Variants in SH2B3 observed in about 807,000 individuals in gnomAD.
SH2B3 encodes the protein SH2B adaptor protein 3, also known as SH2B adapter protein 3.
In SH2B3, 43 loss-of-function variants were observed where a neutral mutation model predicts 51.9. The ratio of observed to expected loss-of-function variants is 0.83; its 90% CI spans 0.65 to 1.07. The LOEUF is 1.07. SH2B3 is among the 50% of genes least tolerant of loss of function. The pLI is 0.00. For synonymous variants in SH2B3, 396 were observed against 376.0 expected, an observed-to-expected ratio of 1.05 and a Z score of -0.62; for missense variants, 952 against 834.3, an observed-to-expected ratio of 1.14 and a Z score of -1.74.
intron 2 of SH2B3, among the ~76,000 whole-genome samples, chr12:111,439,110 C>T (rs1425286336): frequency 6.6e-6 from 1 of 151,936 alleles, no homozygotes; most frequent in Non-Finnish European, 1.5e-5. Context: ...GTAGCTGGGA[C>T]TACAGGTACC....
chr12:111,410,807 C>T lies in SH2B3; in HGVS notation c.-28+4530C>T, dbSNP rs1870640045. Among the ~76,000 whole-genome samples, 1 of 152,218 alleles carries T rather than the reference C, an allele frequency of 6.6e-6. No individual in the cohort carries two copies. ...CAACTTGAATGCTGTGAAAGGGCAG[C>T]AGGCCGCCTGCCAGGCAGTGTGTGT... On this transcript the variant is annotated intron_variant, in intron 1 of 7. Transcript: ENST00000341259. This position sits in a 1 kb window ranked among gnomAD's most constrained non-coding sequence, Gnocchi z 4.9.
intron 2 of SH2B3, among the ~76,000 whole-genome samples, chr12:111,419,887 C>T (rs1871399395): frequency 6.6e-6 from 1 of 152,196 alleles, no homozygotes. Flanking sequence ...TTAGTCGTTA[C>T]GTCTCCTTAG....
At chr12:111,440,560 G>A (rs559217039) in intron 2 of SH2B3, among the ~76,000 whole-genome samples, 1 of 152,314 alleles carries the variant, frequency 6.6e-6, no homozygotes, top group East Asian at 1.9e-4. Context: ...GGTGGTGTGG[G>A]GTCTGTGAGC....
intron 2 of SH2B3, among the ~76,000 whole-genome samples, chr12:111,439,666 C>T (rs1002822114): frequency 6.6e-6 from 1 of 152,232 alleles, no homozygotes; most frequent in Non-Finnish European, 1.5e-5. Flanking sequence ...GCAGCCTCAA[C>T]CTCCCTGCTT....
At chr12:111,419,256 T>C (rs1871351870) in intron 2 of SH2B3, among the ~76,000 whole-genome samples, 1 of 152,146 alleles carries the variant, frequency 6.6e-6, no homozygotes, top group Admixed American at 6.5e-5. Context: ...TGAGCCGTGA[T>C]CATGCCAACA....
intron 2 of SH2B3, among the ~76,000 whole-genome samples, chr12:111,431,643 G>A (rs890375319): frequency 1.3e-5 from 2 of 152,054 alleles, no homozygotes; most frequent in African/African-American, 4.8e-5. Flanking sequence ...GAGCAGTGGC[G>A]CCATCTCGGC....
At chr12:111,430,246 TC>T (rs1872359727) in intron 2 of SH2B3, among the ~76,000 whole-genome samples, 1 of 152,206 alleles carries the variant, frequency 6.6e-6, no homozygotes, top group Non-Finnish European at 1.5e-5. Context: ...TGCCGCCCCA[TC>T]TGCCCCCTTA....
rs1308225020 is a variant in SH2B3 at position 111,406,013 on chromosome 12, C to G, written c.-292C>G. 2 of 151,658 alleles carry G rather than the reference C, an allele frequency of 1.3e-5. No homozygotes were observed. The highest frequency in any genetic ancestry group is 6.6e-5 in the Admixed American group (1 of 15,218). 9.4% of individuals were successfully genotyped at this position (151,658 alleles called of 1,614,324 possible). A position where few individuals can be genotyped will look rare whatever the true frequency, so the allele number is the denominator to read the frequency against. ...CGCGGCCCGCGGTGGCGACGGCGGC[C>G]GCTGCAAAGTTTCCCCGGCGGCGGC... On this transcript the variant is annotated 5_prime_UTR_variant, in exon 1 of 8. Transcript: ENST00000341259. This position sits in a 1 kb window ranked among gnomAD's most constrained non-coding sequence, Gnocchi z 5.7.
intron 2 of SH2B3, among the ~76,000 whole-genome samples, chr12:111,419,324 G>T (rs369143303): frequency 1.3e-5 from 2 of 151,428 alleles, no homozygotes; most frequent in Non-Finnish European, 2.9e-5. Context: ...CAATAAAAAA[G>T]AACTTTTTAT....
intron 7 of SH2B3, 47 bp downstream of exon 7, chr12:111,447,874 A>G (rs763789643): frequency 6.3e-7 from 1 of 1,591,124 alleles, no homozygotes; most frequent in Admixed American, 1.7e-5. Flanking sequence ...GACACTGGGT[A>G]GAGGGTAGAG....
intron 2 of SH2B3, chr12:111,444,812 G>A (rs1053351819): frequency 3.0e-6 from 3 of 985,616 alleles, no homozygotes; most frequent in Admixed American, 6.1e-5. Context: ...GTGCCCACAC[G>A]CTGCAACCTG....
chr12:111,424,701 C>T (rs1277239702), intron 2 of SH2B3, among the ~76,000 whole-genome samples: 1 of 152,090 alleles, frequency 6.6e-6, no homozygotes, highest in Non-Finnish European at 1.5e-5. Context: ...TGGAACAGTC[C>T]GGGCGGCTCA....
intron 2 of SH2B3, among the ~76,000 whole-genome samples, chr12:111,436,849 G>C (rs1872920909): frequency 6.6e-6 from 1 of 152,028 alleles, no homozygotes; most frequent in African/African-American, 2.4e-5. Context: ...TGGGGTTTTA[G>C]ACAGGTCCCC....
rs767442514 is a variant in SH2B3 at position 111,418,787 on chromosome 12, G to A, written c.642G>A (p.Gly214=). 1 of 1,460,546 alleles carries A rather than the reference G, an allele frequency of 6.8e-7. No homozygotes were observed. The highest frequency in any genetic ancestry group is 9.0e-7 in the Non-Finnish European group (1 of 1,116,222). 90.5% of individuals were successfully genotyped at this position (1,460,546 alleles called of 1,614,324 possible). ...CCGACGAGGCCTCCATGGACAGCGGGGCACGCTGGCAGCGCGGGAGGCTGG... is the reference window on the plus strand; with the variant it reads ...CCGACGAGGCCTCCATGGACAGCGGAGCACGCTGGCAGCGCGGGAGGCTGG... The part of the protein sequence containing the change: ...SLADEASMDS[G]ARWQRGRLAL... The change falls in exon 2 of 8, where the codon GGG becomes GGA. Residue 214 remains glycine, a synonymous_variant. Coordinates refer to ENST00000341259, the MANE Select transcript of SH2B3 (RefSeq NM_005475.3). The surrounding 1 kb of genome is among the most constrained non-coding windows in gnomAD (Gnocchi z 6.7).
In SH2B3 at chr12:111,447,547, A is replaced by G. The variant is rs563151966; in HGVS notation, c.1236+3A>G. 293 of 587,882 alleles carry G rather than the reference A, an allele frequency of 5.0e-4. 3 individuals carry two copies. Among genetic ancestry groups the G allele is most frequent in the Admixed American group, 2.3e-3 (80 of 34,468 alleles). 36.4% of individuals were successfully genotyped at this position (587,882 alleles called of 1,614,324 possible). On this transcript the variant is annotated splice_donor_region_variant and intron_variant, in intron 6 of 7. Coordinates refer to ENST00000341259, the MANE Select transcript of SH2B3 (RefSeq NM_005475.3). ...TCAACTTTCAGGGGATAGCCAAGGT[A>G]TGGGGTGGGGTGGGGTGGGGTGGGG...
chr12:111,413,759 T>C (rs1351393669), intron 1 of SH2B3, among the ~76,000 whole-genome samples: 1 of 152,252 alleles, frequency 6.6e-6, no homozygotes, highest in Non-Finnish European at 1.5e-5. Context: ...GAGCTCCTGC[T>C]GTATGCTAGG....
chr12:111,405,422 T>A (rs980109943), upstream of SH2B3, among the ~76,000 whole-genome samples: 1 of 152,160 alleles, frequency 6.6e-6, no homozygotes, highest in Non-Finnish European at 1.5e-5. The surrounding 1 kb of genome is among the most constrained non-coding windows in gnomAD (Gnocchi z 5.4). Context: ...GTGGTCGCTA[T>A]TGCACCGCCC....
intron 2 of SH2B3, among the ~76,000 whole-genome samples, chr12:111,432,033 A>G (rs1227822827): frequency 1.3e-5 from 2 of 152,110 alleles, no homozygotes; most frequent in African/African-American, 4.8e-5. Flanking sequence ...TGTGGACAAA[A>G]GCTTCAGCCT....
chr12:111,447,490 C>G lies in SH2B3; in HGVS notation c.1182C>G (p.Ser394Arg). 1.3e-6 allele frequency: 2 copies of G among 1,597,014 alleles called. No homozygotes were observed. The highest frequency in any genetic ancestry group is 1.7e-6 in the Non-Finnish European group (2 of 1,173,160). ...ATGGAGTGTTCCTGGTGCGGCAGAG[C>G]GAGACGCGGCGTGGGGAATACGTGC... ...DAHGVFLVRQ[S>R]ETRRGEYVLT... The change falls in exon 6 of 8, where the codon AGC becomes AGG. Residue 394 changes from serine (S) to arginine (R), a missense_variant. Physicochemically the swap from Ser to Arg is moderately radical, Grantham distance 110. Transcript: ENST00000341259.
Sources: allele counts gnomAD v4.1 joint callset (sites outside exome capture counted in the v4.1 genomes callset), GRCh38; gene constraint gnomAD v4.1.1; non-coding constraint Gnocchi (gnomAD v3.1); transcripts MANE v1.5; gene names NCBI Gene and HGNC (gene_info 2026-07-23, HGNC 2026-07-21).